Variants in HPSE2 observed in about 807,000 individuals in gnomAD.
HPSE2 encodes inactive heparanase-2.
A neutral mutation model predicts 60.5 loss-of-function variants in HPSE2; 38 were observed. The ratio of observed to expected loss-of-function variants is 0.63; its 90% CI spans 0.48 to 0.82. HPSE2 has a LOEUF of 0.82. Among genes scored for constraint, HPSE2 ranks in the 40% least tolerant of loss-of-function variants. HPSE2 has a pLI of 0.00. For missense variants in HPSE2, 713 were observed against 740.4 expected (o/e 0.96, Z 0.43); for synonymous variants, 295 against 293.2 (o/e 1.01, Z -0.06).
intron 3 of HPSE2, among the ~76,000 whole-genome samples, chr10:98,885,892 C>A (rs1246837171): frequency 6.6e-6 from 1 of 151,992 alleles, no homozygotes; most frequent in East Asian, 1.9e-4. Context: ...AAATTACTTT[C>A]ATCTCTGTTA....
the HPSE2 span, among the ~76,000 whole-genome samples, chr10:99,297,307 T>C: frequency 4.2e-4 from 64 of 152,136 alleles, no homozygotes; most frequent in Admixed American, 1.1e-3. Context: ...CCCATGCAAG[T>C]TGAGGTATCC....
chr10:99,210,581 T>G (rs552564469), intron 2 of HPSE2, among the ~76,000 whole-genome samples: 2 of 152,148 alleles, frequency 1.3e-5, no homozygotes, highest in African/African-American at 4.8e-5. Flanking sequence ...CATGAACAAG[T>G]AGAATTTATC....
chr10:99,039,694 T>C (rs1957693155), intron 3 of HPSE2, among the ~76,000 whole-genome samples: 1 of 152,024 alleles, frequency 6.6e-6, no homozygotes, highest in Non-Finnish European at 1.5e-5. Context: ...AAGTCTTCAA[T>C]AAGATCATCA....
intron 5 of HPSE2, among the ~76,000 whole-genome samples, chr10:98,719,868 G>GCA (rs939496425): frequency 7.2e-5 from 11 of 151,878 alleles, no homozygotes; most frequent in African/African-American, 2.2e-4. Context: ...AGGCATGGTG[G>GCA]CACACACCTG....
At chr10:99,172,573 C>G (rs1050628682) in intron 2 of HPSE2, among the ~76,000 whole-genome samples, 1 of 152,150 alleles carries the variant, frequency 6.6e-6, no homozygotes, top group Non-Finnish European at 1.5e-5. Flanking sequence ...CATGTAAGAA[C>G]AGAAATAACT....
intron 9 of HPSE2, among the ~76,000 whole-genome samples, chr10:98,567,196 C>T (rs519547): frequency 0.97 from 147,116 of 152,278 alleles, 71,267 homozygotes; most frequent in East Asian, 1. Context: ...GGGATTCCTA[C>T]TGTAGTGTGA....
chr10:98,500,054 A>G (rs950523746), intron 9 of HPSE2, among the ~76,000 whole-genome samples: 5 of 152,208 alleles, frequency 3.3e-5, no homozygotes, highest in Non-Finnish European at 7.3e-5. Context: ...AATAAGATAG[A>G]CAGCAACACA....
intron 3 of HPSE2, among the ~76,000 whole-genome samples, chr10:98,834,159 T>C (rs888575128): frequency 8.5e-5 from 13 of 152,144 alleles, no homozygotes; most frequent in African/African-American, 2.7e-4. Flanking sequence ...ACAAGACTTA[T>C]AGCTTCCTTA....
the HPSE2 span, among the ~76,000 whole-genome samples, chr10:99,289,631 T>C: frequency 2.6e-5 from 4 of 152,204 alleles, no homozygotes; most frequent in African/African-American, 9.6e-5. Context: ...CAATCACAGA[T>C]GACTAGTTTT....
intron 3 of HPSE2, among the ~76,000 whole-genome samples, chr10:99,118,387 T>C (rs1589685271): frequency 6.6e-6 from 1 of 151,560 alleles, no homozygotes; most frequent in African/African-American, 2.4e-5. Flanking sequence ...GCCAGGTGTG[T>C]TGGCAGGCGC....
intron 3 of HPSE2, among the ~76,000 whole-genome samples, chr10:99,026,718 A>G (rs1042228726): frequency 2.6e-5 from 4 of 152,212 alleles, no homozygotes; most frequent in African/African-American, 9.6e-5. Context: ...ACCATAGGTT[A>G]GGTCACAAAA....
At chr10:98,806,645 G>C (rs1295436037) in intron 3 of HPSE2, among the ~76,000 whole-genome samples, 2 of 152,192 alleles carry the variant, frequency 1.3e-5, no homozygotes, top group African/African-American at 4.8e-5. Flanking sequence ...TATGATAATG[G>C]TGATGATCTC....
chr10:98,840,010 T>C (rs1335572355), intron 3 of HPSE2, among the ~76,000 whole-genome samples: 1 of 152,236 alleles, frequency 6.6e-6, no homozygotes, highest in East Asian at 1.9e-4. Flanking sequence ...TTTAATTGGA[T>C]TTTTCTTTTT....
chr10:99,274,631 TA>T, the HPSE2 span, among the ~76,000 whole-genome samples: 4 of 151,582 alleles, frequency 2.6e-5, no homozygotes, highest in South Asian at 2.1e-4. Flanking sequence ...TCATATACGT[TA>T]AAAAAAAATT....
the HPSE2 span, among the ~76,000 whole-genome samples, chr10:99,266,912 G>A: frequency 1.3e-5 from 2 of 152,132 alleles, no homozygotes; most frequent in Non-Finnish European, 2.9e-5. Context: ...AATCACTACA[G>A]TTCAGCTCTC....
At chr10:99,252,503 T>C in the HPSE2 span, among the ~76,000 whole-genome samples, 2 of 152,072 alleles carry the variant, frequency 1.3e-5, no homozygotes, top group Non-Finnish European at 2.9e-5. Context: ...TGTACAAAAA[T>C]CAGTAGTATT....
chr10:98,531,814 T>C (rs955499662), intron 9 of HPSE2, among the ~76,000 whole-genome samples: 2 of 152,130 alleles, frequency 1.3e-5, no homozygotes, highest in African/African-American at 4.8e-5. Flanking sequence ...CTCTACTGTT[T>C]GCTTACCAAC....
intron 9 of HPSE2, among the ~76,000 whole-genome samples, chr10:98,557,726 G>A (rs551360408): frequency 3.9e-5 from 6 of 152,262 alleles, no homozygotes; most frequent in East Asian, 1.9e-4. Flanking sequence ...CGAGGTGGGC[G>A]GATCATGAGG....
rs146652542 is a variant in HPSE2 at position 99,152,139 on chromosome 10, G to A, written c.449-7740C>T. Among the ~76,000 whole-genome samples the A allele has an allele frequency of 6.2e-3, 944 of 151,850 alleles. 8 individuals are homozygous for A. The highest frequency in any genetic ancestry group is 0.014 in the Middle Eastern group (4 of 294). ...ATCCTGGCTAACACAGTGAAACCCC[G>A]TCTCTACTAAAAATACAAAAAATTA... On this transcript the variant is annotated intron_variant, in intron 2 of 11. Coordinates refer to ENST00000370552, the MANE Select transcript of HPSE2 (RefSeq NM_021828.5).
Sources: gnomAD v4.1 joint callset for allele counts (sites outside exome capture counted in the v4.1 genomes callset) on GRCh38, gnomAD v4.1.1 for gene constraint, MANE v1.5 for transcripts, NCBI Gene and HGNC (gene_info 2026-07-23, HGNC 2026-07-21) for gene names.